Variants in MAPK10 observed in about 807,000 individuals in gnomAD.
MAPK10 encodes JNK3 alpha protein kinase.
Under a neutral mutation model 59.3 loss-of-function variants are expected in MAPK10, and 25 were observed. That is an observed-to-expected ratio of 0.42 (90% CI 0.31 to 0.59). MAPK10 has a LOEUF of 0.59. Ranked by LOEUF, MAPK10 falls within the 20% of genes least tolerant of loss-of-function variation. The pLI is 0.15. For synonymous variants in MAPK10, 190 were observed against 200.5 expected (o/e 0.95, Z 0.44); for missense variants, 351 against 568.9 (o/e 0.62, Z 3.90).
chr4:86,451,710 G>C (rs923295154), intron 1 of MAPK10, among the ~76,000 whole-genome samples: 1 of 152,190 alleles, frequency 6.6e-6, no homozygotes, highest in South Asian at 2.1e-4. Context: ...CAACCCATGT[G>C]CCTGATGCCT....
chr4:86,161,178 A>C (rs1446229297), intron 3 of MAPK10, among the ~76,000 whole-genome samples: 1 of 152,082 alleles, frequency 6.6e-6, no homozygotes, highest in Non-Finnish European at 1.5e-5. Flanking sequence ...GAGTGGACTT[A>C]TAGGAACTTA....
At chr4:86,422,898 T>C (rs1024013477) in intron 1 of MAPK10, among the ~76,000 whole-genome samples, 4 of 152,214 alleles carry the variant, frequency 2.6e-5, no homozygotes, top group Non-Finnish European at 5.9e-5. Context: ...GCACAAGATT[T>C]TTTTTAATGA....
intron 1 of MAPK10, among the ~76,000 whole-genome samples, chr4:86,523,191 T>G (rs1483555613): frequency 1.3e-5 from 2 of 152,234 alleles, no homozygotes; most frequent in Non-Finnish European, 1.5e-5. Flanking sequence ...TATTCAATAT[T>G]CACTCTTTCA....
At chr4:86,434,556 G>A (rs1475906124) in intron 1 of MAPK10, among the ~76,000 whole-genome samples, 1 of 152,152 alleles carries the variant, frequency 6.6e-6, no homozygotes, top group Non-Finnish European at 1.5e-5. Flanking sequence ...CTCAACGTAA[G>A]TAACCATCAA....
intron 1 of MAPK10, among the ~76,000 whole-genome samples, chr4:86,467,836 TCC>T (rs962006582): frequency 3.9e-5 from 6 of 151,936 alleles, no homozygotes; most frequent in African/African-American, 1.5e-4. Context: ...TTTAAAGAAG[TCC>T]CCAATACCAA....
At chr4:86,491,617 C>G (rs1368276714) in intron 1 of MAPK10, among the ~76,000 whole-genome samples, 1 of 152,154 alleles carries the variant, frequency 6.6e-6, no homozygotes, top group East Asian at 1.9e-4. Flanking sequence ...GTCTCATCAC[C>G]TGGTAAGAAA....
At chr4:86,344,520 T>C (rs1726950260) in intron 2 of MAPK10, among the ~76,000 whole-genome samples, 1 of 151,998 alleles carries the variant, frequency 6.6e-6, no homozygotes, top group Admixed American at 6.6e-5. Context: ...AGTGAGCTGC[T>C]TAGAAACAAA....
At chr4:86,228,247 C>A (rs913497151) in intron 2 of MAPK10, among the ~76,000 whole-genome samples, 1 of 152,096 alleles carries the variant, frequency 6.6e-6, no homozygotes, top group Non-Finnish European at 1.5e-5. Context: ...AGCATGGGCT[C>A]TGCATTGTTT....
At chr4:86,065,554 A>G (rs2046573308) in intron 10 of MAPK10, 1 of 152,232 alleles carries the variant, frequency 6.6e-6, no homozygotes, top group South Asian at 2.1e-4. Flanking sequence ...AAATTATTAT[A>G]CTTTAAGTTC....
intron 13 of MAPK10, among the ~76,000 whole-genome samples, chr4:86,021,381 G>C (rs534237943): frequency 3.9e-5 from 6 of 152,010 alleles, no homozygotes; most frequent in Admixed American, 1.3e-4. Flanking sequence ...TAGACATAAA[G>C]GTTCTCCAAG....
intron 2 of MAPK10, among the ~76,000 whole-genome samples, chr4:86,330,314 CTTTCAACACAAATT>C (rs1190163607): frequency 6.6e-6 from 1 of 152,188 alleles, no homozygotes; most frequent in Non-Finnish European, 1.5e-5. Context: ...AAGCAGCAGG[CTTTCAACACAAATT>C]TTATCTTTGT....
chr4:86,459,303 G>A (rs1301594061), intron 1 of MAPK10, among the ~76,000 whole-genome samples: 2 of 152,190 alleles, frequency 1.3e-5, no homozygotes, highest in South Asian at 2.1e-4. Context: ...TACGCTGCTG[G>A]TGGGAACATA....
intron 3 of MAPK10, among the ~76,000 whole-genome samples, chr4:86,186,709 CAT>C (rs963247780): frequency 6.6e-5 from 10 of 152,192 alleles, no homozygotes; most frequent in African/African-American, 2.4e-4. Context: ...AATAAGGTAA[CAT>C]ACAATTTTTT....
At position 86,207,396 on chromosome 4, in the gene MAPK10, G is replaced by A. The variant is rs1038368670; in HGVS notation, c.-6-12989C>T. On this transcript the variant is annotated intron_variant, in intron 2 of 13. Transcript: ENST00000641462. Reference sequence around the variant, plus strand: ...ATTTCTGAGGGCTCTGTTCTGTTCCGTTGATCAATATCTCTGTTTTGGTAC... The same window carrying A: ...ATTTCTGAGGGCTCTGTTCTGTTCCATTGATCAATATCTCTGTTTTGGTAC... Among the ~76,000 whole-genome samples the A allele has an allele frequency of 1.7e-4, 26 of 151,990 alleles. No homozygotes were observed. In the East Asian group the frequency reaches 3.5e-3, roughly 20 times the overall value.
intron 1 of MAPK10, among the ~76,000 whole-genome samples, chr4:86,406,290 T>C (rs1481900358): frequency 6.6e-6 from 1 of 152,164 alleles, no homozygotes; most frequent in African/African-American, 2.4e-5. Context: ...TATTGCAGAC[T>C]CACTGAATTA....
At chr4:86,043,503 G>T (rs896354582) in intron 11 of MAPK10, among the ~76,000 whole-genome samples, 2 of 152,178 alleles carry the variant, frequency 1.3e-5, no homozygotes, top group Admixed American at 6.5e-5. Flanking sequence ...GTTTTATAGA[G>T]ACTTGGCTAT....
intron 1 of MAPK10, among the ~76,000 whole-genome samples, chr4:86,381,409 T>C (rs536587527): frequency 2.0e-5 from 3 of 152,276 alleles, no homozygotes; most frequent in Non-Finnish European, 2.9e-5. Context: ...ATATTCACAC[T>C]GTAGGGCTGC....
intron 4 of MAPK10, among the ~76,000 whole-genome samples, chr4:86,134,802 C>T (rs75728009): frequency 0.049 from 7,532 of 152,208 alleles, 620 homozygotes; most frequent in African/African-American, 0.17. Flanking sequence ...AGTGCCAAGA[C>T]GGTGGGCGCA....
chr4:86,408,224 A>G (rs1265387007), intron 1 of MAPK10, among the ~76,000 whole-genome samples: 1 of 152,188 alleles, frequency 6.6e-6, no homozygotes, highest in Non-Finnish European at 1.5e-5. Context: ...TGCAAAGGAC[A>G]TGAACTCATC....
Sources: allele counts gnomAD v4.1 joint callset (sites outside exome capture counted in the v4.1 genomes callset), GRCh38; gene constraint gnomAD v4.1.1; transcripts MANE v1.5; gene names NCBI Gene and HGNC (gene_info 2026-07-23, HGNC 2026-07-21).